Variants in CHIC2 observed in about 807,000 individuals in gnomAD.
CHIC2 encodes cysteine-rich hydrophobic domain-containing protein 2.
Under a neutral mutation model 25.9 loss-of-function variants are expected in CHIC2, and 14 were observed. The observed-to-expected ratio is 0.54, with a 90% CI of 0.36 to 0.85. CHIC2 has a LOEUF of 0.85. CHIC2 is among the 40% of genes least tolerant of loss of function. The probability of loss-of-function intolerance (pLI) is 0.01; values close to 1 mark genes in which losing one functional copy is unlikely to be tolerated. For synonymous variants in CHIC2, 70 were observed against 72.0 expected, an observed-to-expected ratio of 0.97 and a Z score of 0.14; for missense variants, 146 against 202.0, an observed-to-expected ratio of 0.72 and a Z score of 1.68.
chr4:54,017,433 C>T (rs748495665), intron 3 of CHIC2, among the ~76,000 whole-genome samples: 2 of 152,100 alleles, frequency 1.3e-5, no homozygotes, highest in Admixed American at 6.6e-5. Flanking sequence ...GTGAAAAGCA[C>T]CAGATTGATA....
chr4:54,030,555 T>TACAC (rs201490639), intron 3 of CHIC2, among the ~76,000 whole-genome samples: 2 of 92,206 alleles, frequency 2.2e-5, no homozygotes, highest in Admixed American at 1.0e-4. Flanking sequence ...TATATATGTA[T>TACAC]ACACACACAC....
At chr4:54,038,897 C>T (rs1014970349) in intron 3 of CHIC2, among the ~76,000 whole-genome samples, 3 of 151,986 alleles carry the variant, frequency 2.0e-5, no homozygotes, top group Non-Finnish European at 4.4e-5. Context: ...GTAAACTAGA[C>T]ATTATGATAT....
chr4:54,032,253 T>C (rs1382021785), intron 3 of CHIC2, among the ~76,000 whole-genome samples: 2 of 151,316 alleles, frequency 1.3e-5, no homozygotes, highest in African/African-American at 4.9e-5. Context: ...GAAGTTGGTG[T>C]ATCCTCTCCC....
chr4:54,079,862 G>T, the CHIC2 span, among the ~76,000 whole-genome samples: 1 of 151,954 alleles, frequency 6.6e-6, no homozygotes, highest in Non-Finnish European at 1.5e-5. Flanking sequence ...GTCTGCAAGG[G>T]TATGGAGAAA....
the CHIC2 span, among the ~76,000 whole-genome samples, chr4:54,091,773 C>G: frequency 6.6e-6 from 1 of 152,232 alleles, no homozygotes; most frequent in Non-Finnish European, 1.5e-5. Context: ...ACCATCACGC[C>G]CACGTACCTT....
chr4:54,084,889 G>A, the CHIC2 span, among the ~76,000 whole-genome samples: 1 of 149,110 alleles, frequency 6.7e-6, no homozygotes, highest in East Asian at 2.0e-4. Context: ...GAACTCAGGA[G>A]GCGAAGGTTG....
chr4:54,018,872 C>A (rs1350278857), intron 3 of CHIC2, among the ~76,000 whole-genome samples: 1 of 151,910 alleles, frequency 6.6e-6, no homozygotes, highest in African/African-American at 2.4e-5. Context: ...TTCAAATGTT[C>A]AATTCCCTAC....
chr4:54,049,157 A>G lies in CHIC2; in HGVS notation c.175-47T>C, dbSNP rs777350157. ...TAATAACAATGCAATATTAATGTCA[A>G]AAAACATGACTGATGAGCATACTTT... On this transcript the variant is annotated intron_variant, in intron 2 of 5. Transcript: ENST00000263921. The G allele has an allele frequency of 6.3e-6, 10 of 1,576,246 alleles. No individual in the cohort carries two copies. The South Asian group carries it at 1.2e-4, about 19-fold the overall frequency.
intron 3 of CHIC2, among the ~76,000 whole-genome samples, chr4:54,017,921 A>G (rs545831861): frequency 1.4e-3 from 214 of 152,358 alleles, no homozygotes; most frequent in Non-Finnish European, 2.3e-3. Flanking sequence ...ACAGCCATTC[A>G]GCTTTGTGAA....
chr4:54,080,390 A>C, the CHIC2 span, among the ~76,000 whole-genome samples: 19 of 151,926 alleles, frequency 1.3e-4, no homozygotes, highest in Non-Finnish European at 2.6e-4. Context: ...GAGCTGAGGC[A>C]GGGGTTTGGG....
At chr4:54,075,752 C>T in the CHIC2 span, among the ~76,000 whole-genome samples, 1 of 152,082 alleles carries the variant, frequency 6.6e-6, no homozygotes. Context: ...TGAGGTTTCA[C>T]CATTTTGGCC....
intron 3 of CHIC2, 65 bp from the exon 4 acceptor site, chr4:54,014,184 CT>C: frequency 7.1e-7 from 1 of 1,414,416 alleles, no homozygotes; most frequent in South Asian, 1.2e-5. Flanking sequence ...TTTGCAGCTG[CT>C]TTTTCTGTGA....
rs568617127 is a variant in CHIC2, at chr4:54,023,459, C to T, written c.331-9340G>A. Among the ~76,000 whole-genome samples, 37 of 152,254 alleles carry T rather than the reference C, an allele frequency of 2.4e-4. No individual in the cohort carries two copies. The Middle Eastern group carries it at 0.014, about 56-fold the overall frequency. ...CAGCTATACTCACTCTTTGGGTCTC[C>T]CACAATTACCACTGTTTCTGGCCTG... is the stretch of plus-strand genomic sequence containing the variant. On this transcript the variant is annotated intron_variant, in intron 3 of 5. Coordinates refer to ENST00000263921, the MANE Select transcript of CHIC2 (RefSeq NM_012110.4).
At chr4:54,023,656 T>C (rs918249709) in intron 3 of CHIC2, among the ~76,000 whole-genome samples, 2 of 152,136 alleles carry the variant, frequency 1.3e-5, no homozygotes, top group South Asian at 4.1e-4. Context: ...TAATCGCCAC[T>C]CACCAACAAA....
At chr4:54,035,193 T>C (rs1192087159) in intron 3 of CHIC2, among the ~76,000 whole-genome samples, 1 of 152,204 alleles carries the variant, frequency 6.6e-6, no homozygotes, top group Non-Finnish European at 1.5e-5. Context: ...CATTTTTCTG[T>C]AGACTTTTCT....
chr4:54,014,052 G>A lies in CHIC2; in HGVS notation c.387+11C>T. On this transcript the variant is annotated intron_variant, in intron 4 of 5. Transcript: ENST00000263921. Reference sequence around the variant, plus strand: ...CCCCAACAGTACGAAGCTGCTCCCTGTGGTACTCACCTTGTGGTATAACCT... The same window carrying A: ...CCCCAACAGTACGAAGCTGCTCCCTATGGTACTCACCTTGTGGTATAACCT... The A allele has an allele frequency of 6.2e-7, 1 of 1,612,832 alleles. No homozygotes were observed. The highest frequency in any genetic ancestry group is 8.5e-7 in the Non-Finnish European group (1 of 1,179,116).
At chr4:54,051,733 C>T (rs1485269059) in intron 1 of CHIC2, among the ~76,000 whole-genome samples, 1 of 152,168 alleles carries the variant, frequency 6.6e-6, no homozygotes, top group African/African-American at 2.4e-5. Flanking sequence ...CACTGTATTT[C>T]TACCTCGCTT....
intron 3 of CHIC2, among the ~76,000 whole-genome samples, chr4:54,033,012 C>A (rs947779287): frequency 1.3e-5 from 2 of 152,150 alleles, no homozygotes; most frequent in Non-Finnish European, 2.9e-5. Flanking sequence ...CCTCTCCCAA[C>A]CCCCTTGCTC....
At chr4:54,067,112 T>TA (rs1422176056), upstream of CHIC2, among the ~76,000 whole-genome samples, 1 of 152,196 alleles carries the variant, frequency 6.6e-6, no homozygotes, top group African/African-American at 2.4e-5. Context: ...CACTGTGACT[T>TA]AATTAGGCTT....
Sources: gnomAD v4.1 joint callset for allele counts (sites outside exome capture counted in the v4.1 genomes callset) on GRCh38, gnomAD v4.1.1 for gene constraint, MANE v1.5 for transcripts, NCBI Gene and HGNC (gene_info 2026-07-23, HGNC 2026-07-21) for gene names.